The following LYRM4 variants were observed in gnomAD, a reference collection of about 807,000 sequenced individuals.
LYRM4 encodes the protein LYR motif-containing protein 4.
Under a neutral mutation model 11.7 loss-of-function variants are expected in LYRM4, and 9 were observed. That is an observed-to-expected ratio of 0.77 (90% CI 0.46 to 1.34). The LOEUF (loss-of-function observed/expected upper bound fraction) is 1.34. Among genes scored for constraint, LYRM4 ranks in the 40% most tolerant of loss-of-function variants. LYRM4 has a pLI of 0.00. For missense variants in LYRM4, 133 were observed against 112.5 expected, an observed-to-expected ratio of 1.18 and a Z score of -0.82; for synonymous variants, 42 against 40.4, an observed-to-expected ratio of 1.04 and a Z score of -0.15.
In LYRM4 at chr6:5,197,018, G is replaced by C. The variant is rs542834888; in HGVS notation, c.207+19600C>G. Among the ~76,000 whole-genome samples, 4 of 152,284 alleles carry C rather than the reference G, an allele frequency of 2.6e-5. No individual in the cohort carries two copies. The East Asian group carries it at 7.7e-4, about 29-fold the overall frequency. On this transcript the variant is annotated intron_variant, in intron 2 of 2. Transcript: ENST00000330636. The stretch of plus-strand genomic sequence containing the variant: ...TGAGCCTCCCCAAGTGCTTTGACAC[G>C]AGCAGTTAGAGAGTAATGCTCATCA...
chr6:5,187,494 A>T (rs1299324957), intron 2 of LYRM4, among the ~76,000 whole-genome samples: 1 of 152,222 alleles, frequency 6.6e-6, no homozygotes, highest in Non-Finnish European at 1.5e-5. Flanking sequence ...TCAGCAAACT[A>T]TCACAATGAC....
At chr6:5,054,746 T>G in the LYRM4 span, among the ~76,000 whole-genome samples, 1 of 152,104 alleles carries the variant, frequency 6.6e-6, no homozygotes, top group African/African-American at 2.4e-5. Flanking sequence ...TGACCAACAT[T>G]AACATTGACT....
At chr6:5,067,016 C>T in the LYRM4 span, 2 of 639,122 alleles carry the variant, frequency 3.1e-6, no homozygotes, top group Admixed American at 3.9e-5. Context: ...CAAGGATTAC[C>T]GGGGGTTGCT....
At chr6:5,153,385 C>T (rs1228300589) in intron 2 of LYRM4, among the ~76,000 whole-genome samples, 1 of 152,238 alleles carries the variant, frequency 6.6e-6, no homozygotes, top group African/African-American at 2.4e-5. Context: ...ACCACCACAC[C>T]TGGCGCCCTT....
the LYRM4 span, chr6:5,054,197 G>C: frequency 3.0e-6 from 2 of 671,374 alleles, no homozygotes; most frequent in African/African-American, 3.9e-5. Context: ...AGGAAGGAAA[G>C]ACATCACTAT....
chr6:5,107,206 T>C (rs983187261), downstream of LYRM4: 5 of 152,270 alleles, frequency 3.3e-5, no homozygotes, highest in Admixed American at 6.5e-5. Flanking sequence ...AACCCATTCA[T>C]GCAGTTTAAT....
At chr6:5,066,912 C>G in the LYRM4 span, 1 of 1,131,622 alleles carries the variant, frequency 8.8e-7, no homozygotes, top group East Asian at 2.6e-5. Flanking sequence ...CCCTAAAATG[C>G]AAAAGCGACC....
intron 2 of LYRM4, among the ~76,000 whole-genome samples, chr6:5,122,394 C>T (rs1763498035): frequency 6.6e-6 from 1 of 152,146 alleles, no homozygotes; most frequent in African/African-American, 2.4e-5. Flanking sequence ...AGTCAAGGGT[C>T]CTGCACCAGA....
At chr6:5,086,323 C>CA in the LYRM4 span, 5 of 1,535,636 alleles carry the variant, frequency 3.3e-6, no homozygotes, top group Non-Finnish European at 3.5e-6. Flanking sequence ...GCCAGAGGCA[C>CA]CGTCTGGGGC....
the LYRM4 span, among the ~76,000 whole-genome samples, chr6:5,044,930 C>G: frequency 1.3e-5 from 2 of 152,232 alleles, no homozygotes; most frequent in African/African-American, 4.8e-5. Context: ...AGAGCTTCCA[C>G]TCCAAAGCAG....
At chr6:5,179,592 T>C (rs1314998460) in intron 2 of LYRM4, among the ~76,000 whole-genome samples, 1 of 152,256 alleles carries the variant, frequency 6.6e-6, no homozygotes, top group Non-Finnish European at 1.5e-5. Flanking sequence ...TTATAGCATG[T>C]ATCAGAATTT....
chr6:5,127,752 C>T (rs1480643912), intron 2 of LYRM4, among the ~76,000 whole-genome samples: 1 of 152,190 alleles, frequency 6.6e-6, no homozygotes, highest in Non-Finnish European at 1.5e-5. Flanking sequence ...TAGACAATTA[C>T]ACATATAGCT....
intron 2 of LYRM4, among the ~76,000 whole-genome samples, chr6:5,196,146 G>A (rs767753602): frequency 2.6e-5 from 4 of 152,116 alleles, no homozygotes; most frequent in Admixed American, 6.5e-5. Context: ...ACGTGGCTCC[G>A]ACCCCGCAGC....
chr6:5,188,030 AG>A (rs1760521319), intron 2 of LYRM4, among the ~76,000 whole-genome samples: 1 of 152,184 alleles, frequency 6.6e-6, no homozygotes, highest in Non-Finnish European at 1.5e-5. Flanking sequence ...TTGCCTTTGA[AG>A]TTTTTTGTCT....
Position 5,122,938 on chromosome 6 carries a change from C to T in LYRM4, c.208-13447G>A, listed in dbSNP as rs190857055. On this transcript the variant is annotated intron_variant, in intron 2 of 2. Coordinates refer to ENST00000330636, the MANE Select transcript of LYRM4 (RefSeq NM_020408.6). ...GCTCACCTCCCTCAGGGAGCTGCTA[C>T]GCGACATCCACGGACTTGTAAACAC... is the stretch of plus-strand genomic sequence containing the variant. Among the ~76,000 whole-genome samples, 199 of 152,344 alleles carry T rather than the reference C, an allele frequency of 1.3e-3. 7 individuals are homozygous for T. In the South Asian group the frequency reaches 0.039, roughly 30 times the overall value.
intron 2 of LYRM4, among the ~76,000 whole-genome samples, chr6:5,154,701 C>A (rs141965596): frequency 0.017 from 2,657 of 152,252 alleles, 68 homozygotes; most frequent in African/African-American, 0.061. Flanking sequence ...CGCCTGTAGT[C>A]CCAGCTACTC....
chr6:5,171,488 A>G (rs768691538), intron 2 of LYRM4, among the ~76,000 whole-genome samples: 2 of 152,222 alleles, frequency 1.3e-5, no homozygotes, highest in Non-Finnish European at 2.9e-5. Flanking sequence ...ACAAAAATAA[A>G]TGATTCCTGG....
chr6:5,132,086 G>C (rs772040732), intron 2 of LYRM4, among the ~76,000 whole-genome samples: 3 of 152,116 alleles, frequency 2.0e-5, no homozygotes, highest in African/African-American at 4.8e-5. Flanking sequence ...CAGGCCCACA[G>C]AAAAGAAAAA....
chr6:5,225,092 T>C (rs1440422799), intron 1 of LYRM4, among the ~76,000 whole-genome samples: 1 of 151,638 alleles, frequency 6.6e-6, no homozygotes, highest in African/African-American at 2.4e-5. Context: ...CTACTAAAAA[T>C]ACAAAATTAG....
Sources: allele counts gnomAD v4.1 joint callset (sites outside exome capture counted in the v4.1 genomes callset), GRCh38; gene constraint gnomAD v4.1.1; transcripts MANE v1.5; gene names NCBI Gene and HGNC (gene_info 2026-07-23, HGNC 2026-07-21).